Variants in XRCC5 observed in about 807,000 individuals in gnomAD.
The protein encoded by XRCC5 is X-ray repair cross complementing 5.
Under a neutral mutation model 95.7 loss-of-function variants are expected in XRCC5, and 12 were observed. The ratio of observed to expected loss-of-function variants is 0.13; its 90% CI spans 0.08 to 0.20. XRCC5 has a LOEUF of 0.20. Among genes scored for constraint, XRCC5 ranks in the 10% least tolerant of loss-of-function variants. The probability of loss-of-function intolerance (pLI) is 1.00; values close to 1 mark genes in which losing one functional copy is unlikely to be tolerated. For synonymous variants in XRCC5, 281 were observed against 290.3 expected (o/e 0.97, Z 0.33); for missense variants, 595 against 873.9 (o/e 0.68, Z 4.02).
chr2:216,119,626 A>G (rs1696771551), intron 5 of XRCC5, among the ~76,000 whole-genome samples: 1 of 152,216 alleles, frequency 6.6e-6, no homozygotes, highest in Admixed American at 6.5e-5. Context: ...TTCTAAATAC[A>G]TAACATGTTT....
At chr2:216,109,829 G>A (rs966096771) in intron 1 of XRCC5, among the ~76,000 whole-genome samples, 1 of 151,850 alleles carries the variant, frequency 6.6e-6, no homozygotes, top group African/African-American at 2.4e-5. Context: ...GGGTTCTTAA[G>A]ATCTCTATGA....
At chr2:216,140,432 G>T (rs1482809180) in intron 12 of XRCC5, among the ~76,000 whole-genome samples, 1 of 152,150 alleles carries the variant, frequency 6.6e-6, no homozygotes, top group East Asian at 1.9e-4. Context: ...AAGTATTTTT[G>T]GGAGAATTGC....
chr2:216,112,530 C>G (rs2105997891), intron 1 of XRCC5, among the ~76,000 whole-genome samples: 1 of 152,312 alleles, frequency 6.6e-6, no homozygotes. Context: ...CAGGGTATAC[C>G]TCTTAGCATA....
chr2:216,192,526 AT>A lies in XRCC5; in HGVS notation c.1945-106del, dbSNP rs1317812297. 11 of 582,166 alleles carry A rather than the reference AT, an allele frequency of 1.9e-5. No homozygotes were observed. The East Asian group carries it at 2.3e-4, about 12-fold the overall frequency. The allele number at this position is 582,166 out of a possible 1,614,324, so 36.1% of individuals were successfully genotyped here. A position where few individuals can be genotyped will look rare whatever the true frequency, so the allele number is the denominator to read the frequency against. On this transcript the variant is annotated intron_variant, in intron 17 of 20. Coordinates refer to ENST00000392132, the MANE Select transcript of XRCC5 (RefSeq NM_021141.4). ...CCCATGTACCAAAGAAGAACATTTT[AT>A]TTTTTTGTAATAAATAAGGTGATTC... is the stretch of plus-strand genomic sequence containing the variant.
At chr2:216,175,936 A>T in intron 16 of XRCC5, 6 of 369,780 alleles carry the variant, frequency 1.6e-5, no homozygotes, top group South Asian at 1.4e-4. Flanking sequence ...GCCGCGCTGG[A>T]TTCCTTTGGA....
intron 9 of XRCC5, among the ~76,000 whole-genome samples, chr2:216,131,871 T>G (rs1257002470): frequency 6.6e-6 from 1 of 152,260 alleles, no homozygotes; most frequent in Non-Finnish European, 1.5e-5. Flanking sequence ...CTATTGATAC[T>G]GTTTTCTCTG....
intron 6 of XRCC5, among the ~76,000 whole-genome samples, chr2:216,124,688 C>T (rs1370780342): frequency 6.6e-6 from 1 of 152,200 alleles, no homozygotes; most frequent in African/African-American, 2.4e-5. Flanking sequence ...GTCCATAACT[C>T]TGTGGATAAT....
In XRCC5 at chr2:216,164,158, T is replaced by C. The variant is rs575358673; in HGVS notation, c.1834+2110T>C. 3.9e-5 allele frequency among the ~76,000 whole-genome samples: 6 copies of C among 152,356 alleles called. No homozygotes were observed. In the East Asian group the frequency reaches 1.2e-3, roughly 29 times the overall value. On this transcript the variant is annotated intron_variant, in intron 16 of 20. Transcript: ENST00000392132. ...GTGGCGGAGATGCTGCTGTGACAAG[T>C]CAATGAACTCTTGTCTATCAAGACT...
chr2:216,173,245 A>G lies in XRCC5; in HGVS notation c.1834+11197A>G, dbSNP rs1183141484. 7.2e-5 allele frequency among the ~76,000 whole-genome samples: 11 copies of G among 151,956 alleles called. No individual in the cohort carries two copies. In the South Asian group the frequency reaches 2.3e-3, roughly 32 times the overall value. On this transcript the variant is annotated intron_variant, in intron 16 of 20. Transcript: ENST00000392132. ...TTTTTTTAATTATTGTACTGGCTGGAACTTCTGGCACAGTGTTGAATAGAA... is the reference window on the plus strand; with the variant it reads ...TTTTTTTAATTATTGTACTGGCTGGGACTTCTGGCACAGTGTTGAATAGAA...
intron 8 of XRCC5, chr2:216,130,601 G>T (rs1696980635): frequency 3.8e-6 from 1 of 264,724 alleles, no homozygotes; most frequent in East Asian, 7.4e-5. Context: ...TTTCTTTTAG[G>T]CTGGGTAATC....
rs562780201 is a variant in XRCC5 at position 216,187,776 on chromosome 2, A to G, written c.1835-2449A>G. 3.4e-4 allele frequency among the ~76,000 whole-genome samples: 42 copies of G among 122,682 alleles called. No individual in the cohort carries two copies. The Middle Eastern group carries it at 0.013, about 39-fold the overall frequency. 80.5% of individuals were successfully genotyped at this position (122,682 alleles called of 152,430 possible). On this transcript the variant is annotated intron_variant, in intron 16 of 20. Coordinates refer to ENST00000392132, the MANE Select transcript of XRCC5 (RefSeq NM_021141.4). The stretch of plus-strand genomic sequence containing the variant: ...CTCTTCTCTTAGTATCTGTGATGCC[A>G]TGAACTCCTGACACACACACACACA...
chr2:216,134,003 ACAG>A (rs2106010662), intron 10 of XRCC5, among the ~76,000 whole-genome samples: 1 of 152,336 alleles, frequency 6.6e-6, no homozygotes, highest in Non-Finnish European at 1.5e-5. Context: ...TGAACTGGAA[ACAG>A]CAGGTGGTGC....
chr2:216,191,724 T>A (rs1689616745), intron 17 of XRCC5, among the ~76,000 whole-genome samples: 1 of 152,188 alleles, frequency 6.6e-6, no homozygotes, highest in Non-Finnish European at 1.5e-5. Context: ...GGATATTTTT[T>A]GAACTGTAAA....
intron 14 of XRCC5, chr2:216,156,671 C>T (rs1051324850): frequency 9.1e-6 from 5 of 546,840 alleles, no homozygotes; most frequent in Non-Finnish European, 1.5e-5. Flanking sequence ...TCATAACTCA[C>T]TGCAATTATT....
intron 12 of XRCC5, among the ~76,000 whole-genome samples, chr2:216,140,032 T>TAGTA (rs1488453119): frequency 6.6e-6 from 1 of 152,202 alleles, no homozygotes; most frequent in Admixed American, 6.5e-5. Flanking sequence ...TGCTACCTTG[T>TAGTA]AGTAGTAGGT....
At chr2:216,143,385 C>T (rs890430066) in intron 13 of XRCC5, among the ~76,000 whole-genome samples, 2 of 152,122 alleles carry the variant, frequency 1.3e-5, no homozygotes, top group African/African-American at 2.4e-5. Context: ...CAAAGCTTAC[C>T]AAAATGGTTC....
At chr2:216,157,835 T>C (rs1688875670) in intron 14 of XRCC5, among the ~76,000 whole-genome samples, 1 of 152,260 alleles carries the variant, frequency 6.6e-6, no homozygotes, top group Non-Finnish European at 1.5e-5. Flanking sequence ...ATATGTCTAC[T>C]GTGATCTTGT....
chr2:216,191,215 T>A (rs1028180548), intron 17 of XRCC5, among the ~76,000 whole-genome samples: 1 of 152,174 alleles, frequency 6.6e-6, no homozygotes, highest in African/African-American at 2.4e-5. Context: ...AGTAAAAGTG[T>A]ATTGCTTTTT....
intron 10 of XRCC5, 110 bp from the exon 11 acceptor site, chr2:216,136,978 C>A: frequency 2.1e-5 from 29 of 1,363,600 alleles, no homozygotes; most frequent in Non-Finnish European, 2.8e-5. Context: ...AGGGGGCACC[C>A]TAAAAAATGT....
Sources: allele counts gnomAD v4.1 joint callset (sites outside exome capture counted in the v4.1 genomes callset), GRCh38; gene constraint gnomAD v4.1.1; transcripts MANE v1.5; gene names NCBI Gene and HGNC (gene_info 2026-07-23, HGNC 2026-07-21).